Variants in NFAT5 observed in about 807,000 individuals in gnomAD.
NFAT5 encodes the protein nuclear factor of activated T-cells 5.
A neutral mutation model predicts 166.5 loss-of-function variants in NFAT5; 31 were observed. That is an observed-to-expected ratio of 0.19 (90% CI 0.14 to 0.25). NFAT5 has a LOEUF of 0.25. NFAT5 is among the 10% of genes least tolerant of loss of function. The pLI, the probability that NFAT5 is intolerant of heterozygous loss-of-function variation, is 1.00. For synonymous variants in NFAT5, 612 were observed against 639.7 expected (o/e 0.96, Z 0.65); for missense variants, 1,449 against 1,821.8 (o/e 0.80, Z 3.72).
At chr16:69,567,772 G>T (rs1239316675) in intron 1 of NFAT5, among the ~76,000 whole-genome samples, 2 of 151,864 alleles carry the variant, frequency 1.3e-5, no homozygotes, top group African/African-American at 4.8e-5. Flanking sequence ...TAGAAATATT[G>T]TAGTTTTGAA....
chr16:69,571,198 C>T (rs1043150750), intron 2 of NFAT5, among the ~76,000 whole-genome samples: 5 of 145,222 alleles, frequency 3.4e-5, no homozygotes, highest in African/African-American at 1.3e-4. Flanking sequence ...CAACTACTCG[C>T]GATGCTGAGG....
intron 2 of NFAT5, among the ~76,000 whole-genome samples, chr16:69,571,432 C>T (rs1227513906): frequency 6.6e-6 from 1 of 152,144 alleles, no homozygotes; most frequent in East Asian, 1.9e-4. Flanking sequence ...CACCCAGAGT[C>T]ACAAGCTAGT....
intron 9 of NFAT5, among the ~76,000 whole-genome samples, chr16:69,674,303 A>T (rs1045817996): frequency 1.1e-4 from 17 of 151,784 alleles, no homozygotes; most frequent in Non-Finnish European, 2.1e-4. Flanking sequence ...TGAAGTCTGG[A>T]AAAACAATTC....
At chr16:69,654,743 C>A (rs1216120932) in intron 5 of NFAT5, among the ~76,000 whole-genome samples, 1 of 152,174 alleles carries the variant, frequency 6.6e-6, no homozygotes, top group Non-Finnish European at 1.5e-5. Flanking sequence ...TGCTGACCAG[C>A]AATTTGACTA....
intron 2 of NFAT5, among the ~76,000 whole-genome samples, chr16:69,584,679 C>T (rs1240929267): frequency 6.6e-6 from 1 of 151,950 alleles, no homozygotes. Flanking sequence ...GTCCCAATTA[C>T]TCAGGAGCCT....
chr16:69,604,184 A>G (rs1382142312), intron 2 of NFAT5, among the ~76,000 whole-genome samples: 1 of 152,156 alleles, frequency 6.6e-6, no homozygotes, highest in Non-Finnish European at 1.5e-5. Context: ...AATGGAGGCA[A>G]TTTGGTACCA....
chr16:69,681,548 GCCT>G (rs2037058616), intron 10 of NFAT5, among the ~76,000 whole-genome samples: 1 of 152,158 alleles, frequency 6.6e-6, no homozygotes, highest in Non-Finnish European at 1.5e-5. Context: ...ATACTTGGAA[GCCT>G]TTGATACCTT....
intron 9 of NFAT5, among the ~76,000 whole-genome samples, chr16:69,673,530 C>T (rs1245086974): frequency 2.6e-5 from 4 of 151,898 alleles, no homozygotes; most frequent in African/African-American, 9.7e-5. Flanking sequence ...TAAGACCAGC[C>T]TGGGCAACAT....
At chr16:69,689,345 G>A (rs2037456744) in intron 11 of NFAT5, among the ~76,000 whole-genome samples, 1 of 152,108 alleles carries the variant, frequency 6.6e-6, no homozygotes, top group Non-Finnish European at 1.5e-5. Context: ...GTGAAAATAG[G>A]TCCAAAGAAC....
chr16:69,635,450 A>G (rs1015350091), intron 3 of NFAT5, among the ~76,000 whole-genome samples: 1 of 152,076 alleles, frequency 6.6e-6, no homozygotes, highest in African/African-American at 2.4e-5. Flanking sequence ...ATGTATATAT[A>G]TGTGGGCCAT....
intron 4 of NFAT5, among the ~76,000 whole-genome samples, chr16:69,651,832 G>A (rs1337134327): frequency 6.6e-6 from 1 of 151,900 alleles, no homozygotes; most frequent in Non-Finnish European, 1.5e-5. Flanking sequence ...CACCACTCCT[G>A]GCTAATTTTT....
At chr16:69,602,598 T>C (rs112756231) in intron 2 of NFAT5, among the ~76,000 whole-genome samples, 2,660 of 150,344 alleles carry the variant, frequency 0.018, 84 homozygotes, top group African/African-American at 0.057. Flanking sequence ...TTTTTTTTTT[T>C]TGAGACAGAC....
chr16:69,588,977 CTTCTTTTTTTTTTTTTTT>C (rs1474018807), intron 2 of NFAT5, among the ~76,000 whole-genome samples: 2 of 78,566 alleles, frequency 2.5e-5, no homozygotes, highest in African/African-American at 8.7e-5. Context: ...TCTTTTCCTA[CTTCTTTTTTTTTTTTTTT>C]TTTTTTTTTT....
intron 13 of NFAT5, among the ~76,000 whole-genome samples, chr16:69,694,771 A>C (rs2037703561): frequency 6.6e-6 from 1 of 152,380 alleles, no homozygotes; most frequent in East Asian, 1.9e-4. Flanking sequence ...AAGGAAAATG[A>C]AGTCAGAATG....
chr16:69,701,147 G>C lies in NFAT5; in HGVS notation c.*4796G>C, dbSNP rs1196432068. 1 of 151,704 alleles carries C rather than the reference G, an allele frequency of 6.6e-6. No individual in the cohort carries two copies. Among genetic ancestry groups the C allele is most frequent in the Non-Finnish European group, 1.5e-5 (1 of 67,938 alleles). 9.4% of individuals were successfully genotyped at this position (151,704 alleles called of 1,614,324 possible). On this transcript the variant is annotated 3_prime_UTR_variant, in exon 15 of 15. Transcript: ENST00000349945. ...ATTTTTTTAGTAGAGATGGGGTTTT[G>C]CCATGTTGGCCAGGCTGGTTTCGAA...
intron 7 of NFAT5, among the ~76,000 whole-genome samples, chr16:69,661,142 G>T (rs2036116273): frequency 6.7e-6 from 1 of 148,604 alleles, no homozygotes; most frequent in South Asian, 2.1e-4. Context: ...ACTTTGAGAG[G>T]CCAAGGCAGG....
chr16:69,591,080 T>TG (rs1158004130), intron 2 of NFAT5, among the ~76,000 whole-genome samples: 3 of 152,128 alleles, frequency 2.0e-5, no homozygotes, highest in Admixed American at 1.3e-4. Context: ...TACAGGTACA[T>TG]GCCACCATGC....
At chr16:69,572,028 C>T (rs917336730) in intron 2 of NFAT5, among the ~76,000 whole-genome samples, 3 of 152,062 alleles carry the variant, frequency 2.0e-5, no homozygotes, top group East Asian at 3.9e-4. Context: ...TCCCAAAGTG[C>T]TGGGATTACA....
chr16:69,700,088 C>T lies in NFAT5; in HGVS notation c.*3737C>T, dbSNP rs2037872351. The T allele has an allele frequency of 6.6e-6, 1 of 151,646 alleles. No homozygotes were observed. Among genetic ancestry groups the T allele is most frequent in the Non-Finnish European group, 1.5e-5 (1 of 67,892 alleles). 9.4% of individuals were successfully genotyped at this position (151,646 alleles called of 1,614,324 possible). ...GAAGTATTAATGAAGGACTTTCCTT[C>T]CTCCCTCCCTTTCCTCCCCTCCCTG... is the stretch of plus-strand genomic sequence containing the variant. On this transcript the variant is annotated 3_prime_UTR_variant, in exon 15 of 15. Transcript: ENST00000349945.
Sources: gnomAD v4.1 joint callset for allele counts (sites outside exome capture counted in the v4.1 genomes callset) on GRCh38, gnomAD v4.1.1 for gene constraint, MANE v1.5 for transcripts, NCBI Gene and HGNC (gene_info 2026-07-23, HGNC 2026-07-21) for gene names.